KCNH5: variants seen among roughly 807,000 people sequenced by gnomAD.
KCNH5 encodes potassium voltage-gated channel subfamily H member 5, also known as voltage-gated delayed rectifier potassium channel KCNH5.
In KCNH5, 46 loss-of-function variants were observed where a neutral mutation model predicts 96.1. That is an observed-to-expected ratio of 0.48 (90% confidence interval 0.38 to 0.61). The LOEUF is 0.61. KCNH5 is among the 20% of genes least tolerant of loss of function. The probability of loss-of-function intolerance (pLI) is 0.00; values close to 1 mark genes in which losing one functional copy is unlikely to be tolerated. For synonymous variants in KCNH5, 439 were observed against 449.8 expected, an observed-to-expected ratio of 0.98 and a Z score of 0.30; for missense variants, 907 against 1,225.8, an observed-to-expected ratio of 0.74 and a Z score of 3.88.
intron 7 of KCNH5, among the ~76,000 whole-genome samples, chr14:62,871,325 C>T (rs1888249648): frequency 6.6e-6 from 1 of 152,132 alleles, no homozygotes; most frequent in Non-Finnish European, 1.5e-5. Context: ...TGGAGGGGCA[C>T]CAAACCCAAT....
At chr14:62,796,471 A>G (rs1459009966) in intron 9 of KCNH5, among the ~76,000 whole-genome samples, 1 of 152,140 alleles carries the variant, frequency 6.6e-6, no homozygotes, top group Non-Finnish European at 1.5e-5. Flanking sequence ...CTTCCAAACC[A>G]TACATAAACA....
intron 9 of KCNH5, among the ~76,000 whole-genome samples, chr14:62,789,728 T>C (rs1253291580): frequency 1.3e-5 from 2 of 151,940 alleles, no homozygotes; most frequent in East Asian, 1.9e-4. Flanking sequence ...TTATGTTTTA[T>C]TTGGAGAAAT....
intron 7 of KCNH5, among the ~76,000 whole-genome samples, chr14:62,869,530 T>C (rs1357991479): frequency 6.6e-6 from 1 of 152,108 alleles, no homozygotes; most frequent in African/African-American, 2.4e-5. Flanking sequence ...GAAGCTCTTT[T>C]AAATAGATCT....
chr14:62,851,869 A>G (rs1269499865), intron 7 of KCNH5, among the ~76,000 whole-genome samples: 1 of 152,118 alleles, frequency 6.6e-6, no homozygotes, highest in Non-Finnish European at 1.5e-5. Context: ...TAGTTTAACA[A>G]ATTACGACAC....
intron 7 of KCNH5, among the ~76,000 whole-genome samples, chr14:62,874,653 A>G (rs1328154517): frequency 1.3e-5 from 2 of 151,520 alleles, no homozygotes; most frequent in Admixed American, 1.3e-4. Context: ...CTTCATGCTA[A>G]AAACTCTCAA....
chr14:62,921,119 C>T (rs560781914), intron 7 of KCNH5, among the ~76,000 whole-genome samples: 43 of 151,952 alleles, frequency 2.8e-4, no homozygotes, highest in Non-Finnish European at 5.1e-4. Flanking sequence ...AGCTGCAAAA[C>T]GTGTTTCATC....
chr14:62,968,269 T>C (rs1012169920), intron 6 of KCNH5, among the ~76,000 whole-genome samples: 3 of 152,244 alleles, frequency 2.0e-5, no homozygotes, highest in Admixed American at 6.5e-5. Context: ...TCCTTCACCC[T>C]GACCCCTCTT....
At chr14:63,033,187 GA>G (rs1183860763) in intron 1 of KCNH5, among the ~76,000 whole-genome samples, 1 of 152,098 alleles carries the variant, frequency 6.6e-6, no homozygotes, top group African/African-American at 2.4e-5. Flanking sequence ...TAGCTTTTGG[GA>G]CTATGAGGTT....
At chr14:62,916,814 C>A (rs116710279) in intron 7 of KCNH5, among the ~76,000 whole-genome samples, 4 of 152,272 alleles carry the variant, frequency 2.6e-5, no homozygotes, top group East Asian at 3.9e-4. Flanking sequence ...GTCTTCTCAT[C>A]GTTTACGGCT....
At chr14:62,885,089 T>C (rs987933367) in intron 7 of KCNH5, among the ~76,000 whole-genome samples, 1 of 152,238 alleles carries the variant, frequency 6.6e-6, no homozygotes, top group Non-Finnish European at 1.5e-5. Flanking sequence ...GTAAGTTGGA[T>C]AATGATAGTA....
chr14:62,809,342 G>T (rs1423739018), intron 8 of KCNH5, among the ~76,000 whole-genome samples: 1 of 152,112 alleles, frequency 6.6e-6, no homozygotes, highest in Non-Finnish European at 1.5e-5. Context: ...CCAAGACTTT[G>T]ACTGGAATGG....
intron 9 of KCNH5, among the ~76,000 whole-genome samples, chr14:62,799,860 AAT>A (rs901534205): frequency 1.9e-4 from 28 of 144,036 alleles, no homozygotes; most frequent in Non-Finnish European, 2.6e-4. Flanking sequence ...TTTAATATTT[AAT>A]ATATATATAA....
chr14:62,740,219 G>T (rs1174313472), intron 10 of KCNH5, among the ~76,000 whole-genome samples: 1 of 152,140 alleles, frequency 6.6e-6, no homozygotes, highest in Non-Finnish European at 1.5e-5. Flanking sequence ...ATATACGGAT[G>T]ATGTGTATGT....
intron 10 of KCNH5, 98 bp from the exon 11 acceptor site, chr14:62,708,553 A>C: frequency 1.5e-6 from 1 of 684,408 alleles, no homozygotes; most frequent in African/African-American, 1.8e-5. Flanking sequence ...TACAAAGAAA[A>C]CCCTTGAATA....
At chr14:62,791,772 A>C (rs1886440406) in intron 9 of KCNH5, among the ~76,000 whole-genome samples, 1 of 151,762 alleles carries the variant, frequency 6.6e-6, no homozygotes, top group African/African-American at 2.4e-5. Flanking sequence ...AAAATATATA[A>C]AGCAAGTGTT....
intron 6 of KCNH5, among the ~76,000 whole-genome samples, chr14:62,952,908 A>G (rs1277525764): frequency 6.6e-6 from 1 of 152,162 alleles, no homozygotes; most frequent in Non-Finnish European, 1.5e-5. Context: ...TAATATTTAG[A>G]AGTAGTTTGA....
chr14:62,707,409 C>G lies in KCNH5; in HGVS notation c.*99G>C, dbSNP rs187642204. ...CATATCAAAATCCATGTGTGGTCAT[C>G]ATCTTGAAAGCAAGTGAAAATATAT... On this transcript the variant is annotated 3_prime_UTR_variant, in exon 11 of 11. Coordinates refer to ENST00000322893, the MANE Select transcript of KCNH5 (RefSeq NM_139318.5). 1.8e-6 allele frequency: 1 copy of G among 570,624 alleles called. No individual in the cohort carries two copies. The highest frequency in any genetic ancestry group is 2.6e-6 in the Non-Finnish European group (1 of 378,618). 35.3% of individuals were successfully genotyped at this position (570,624 alleles called of 1,614,324 possible). A position where few individuals can be genotyped will look rare whatever the true frequency, so the allele number is the denominator to read the frequency against.
At position 62,995,497 on chromosome 14, in the gene KCNH5, A is replaced by C. The variant is rs547357016; in HGVS notation, c.433+5834T>G. 2.2e-4 allele frequency among the ~76,000 whole-genome samples: 34 copies of C among 152,280 alleles called. 1 individual carries two copies. In the South Asian group the frequency reaches 6.6e-3, roughly 30 times the overall value. On this transcript the variant is annotated intron_variant, in intron 4 of 10. Coordinates refer to ENST00000322893, the MANE Select transcript of KCNH5 (RefSeq NM_139318.5). ...ACTTGACCAAATTTCAACATTGGAT[A>C]AACACAACTTTTCACTTACTTCTGC...
intron 7 of KCNH5, among the ~76,000 whole-genome samples, chr14:62,917,643 T>C (rs1257637314): frequency 1.3e-5 from 2 of 152,196 alleles, no homozygotes; most frequent in African/African-American, 4.8e-5. Context: ...AAGAGTTCAT[T>C]CAATATGCCT....
Sources: allele counts gnomAD v4.1 joint callset (sites outside exome capture counted in the v4.1 genomes callset), GRCh38; gene constraint gnomAD v4.1.1; transcripts MANE v1.5; gene names NCBI Gene and HGNC (gene_info 2026-07-23, HGNC 2026-07-21).